Variants in RPE65 observed in about 807,000 individuals in gnomAD.
RPE65 encodes retinoid isomerohydrolase RPE65, also known as retinoid isomerohydrolase.
Under a neutral mutation model 68.5 loss-of-function variants are expected in RPE65, and 58 were observed. The observed-to-expected ratio is 0.85, with a 90% CI of 0.69 to 1.05. The LOEUF is 1.05. RPE65 is among the 50% of genes least tolerant of loss of function. The pLI is 0.00. For missense variants in RPE65, 643 were observed against 629.9 expected, an observed-to-expected ratio of 1.02 and a Z score of -0.22; for synonymous variants, 220 against 222.2, an observed-to-expected ratio of 0.99 and a Z score of 0.09.
chr1:68,429,750 C>T lies in RPE65; in HGVS notation c.*26G>A, dbSNP rs757673747. ...AAGCTGATTTTCTCAGTTTTGCTAC[C>T]AAAAACATATCTTGCTGGAGTATGC... On this transcript the variant is annotated 3_prime_UTR_variant, in exon 14 of 14. Coordinates refer to ENST00000262340, the MANE Select transcript of RPE65 (RefSeq NM_000329.3). The T allele has an allele frequency of 6.2e-7, 1 of 1,613,092 alleles. No individual in the cohort carries two copies. The highest frequency in any genetic ancestry group is 2.2e-5 in the East Asian group (1 of 44,848).
rs747322353 is a variant in RPE65, at chr1:68,439,649, T to G, written c.644-7A>C. ...CTTATTGGATCTTCCTTGTCTGAAA[T>G]AAAGTGGTTTTAAAAGGCTTTGGAA... On this transcript the variant is annotated splice_region_variant and splice_polypyrimidine_tract_variant and intron_variant, in intron 6 of 13. Coordinates refer to ENST00000262340, the MANE Select transcript of RPE65 (RefSeq NM_000329.3). 1.6e-5 allele frequency: 26 copies of G among 1,613,418 alleles called. No homozygotes were observed. Among genetic ancestry groups the G allele is most frequent in the Non-Finnish European group, 2.2e-5 (26 of 1,179,428 alleles).
intron 10 of RPE65, among the ~76,000 whole-genome samples, chr1:68,435,682 T>A (rs1267211144): frequency 6.6e-6 from 1 of 152,238 alleles, no homozygotes; most frequent in Non-Finnish European, 1.5e-5. Context: ...TCTTCAGTTG[T>A]TCTGCCTCAA....
At chr1:68,439,161 A>G in intron 8 of RPE65, 30 bp downstream of exon 8, 2 of 1,614,096 alleles carry the variant, frequency 1.2e-6, no homozygotes, top group Non-Finnish European at 1.7e-6. Flanking sequence ...CTTCAGAATC[A>G]CAAACTTGAC....
chr1:68,431,349 T>G lies in RPE65; in HGVS notation c.1271A>C (p.Gln424Pro), dbSNP rs758321182. The G allele has an allele frequency of 9.0e-5, 145 of 1,614,014 alleles. 2 individuals carry two copies. The South Asian group carries it at 1.5e-3, about 16-fold the overall frequency. ...TGTGTAAGGTTTCCCACAATACTTC[T>G]GGTAATTGATTTGAGGAAACTCAAA... ...QAFEFPQINY[Q>P]KYCGKPYTYA... Residue 424 changes from glutamine to proline, a missense_variant, in exon 12 of 14, where the codon CAG (glutamine) becomes CCG (proline). By Grantham distance (76) the Gln-to-Pro change is moderately conservative. Transcript: ENST00000262340.
chr1:68,446,895 T>C, intron 2 of RPE65, 35 bp from the exon 3 acceptor site: 1 of 1,612,466 alleles, frequency 6.2e-7, no homozygotes, highest in Non-Finnish European at 8.5e-7. Flanking sequence ...TTGCTTCTTA[T>C]CCCTGCCTTG....
rs1645806785 is a variant in RPE65, at chr1:68,429,763, T to C, written c.*13A>G. The C allele has an allele frequency of 6.2e-7, 1 of 1,613,396 alleles. No homozygotes were observed. Among genetic ancestry groups the C allele is most frequent in the East Asian group, 2.2e-5 (1 of 44,854 alleles). ...CAGTTTTGCTACCAAAAACATATCTTGCTGGAGTATGCTCAAGATTTTTTG... is the reference window on the plus strand; with the variant it reads ...CAGTTTTGCTACCAAAAACATATCTCGCTGGAGTATGCTCAAGATTTTTTG... On this transcript the variant is annotated 3_prime_UTR_variant, in exon 14 of 14. Coordinates refer to ENST00000262340, the MANE Select transcript of RPE65 (RefSeq NM_000329.3).
Position 68,446,836 on chromosome 1 carries a change from C to T in RPE65, c.119G>A (p.Gly40Asp). Residue 40 changes from glycine to aspartate, a missense_variant, in exon 3 of 14, where the codon GGC (glycine) becomes GAC (aspartate). Gly to Asp is a moderately conservative substitution (Grantham distance 94). Coordinates refer to ENST00000262340, the MANE Select transcript of RPE65 (RefSeq NM_000329.3). ...TCCTGGCCCACATCGAAGGAGACTG[C>T]CGGTGAGCCAGAGGGGGATCCTGCC... ...VTGRIPLWLT[G>D]SLLRCGPGLF... 6.2e-7 allele frequency: 1 copy of T among 1,613,748 alleles called. No individual in the cohort carries two copies. Among genetic ancestry groups the T allele is most frequent in the Non-Finnish European group, 8.5e-7 (1 of 1,180,032 alleles).
At chr1:68,432,056 G>T (rs1571159325) in intron 10 of RPE65, among the ~76,000 whole-genome samples, 2 of 144,944 alleles carry the variant, frequency 1.4e-5, no homozygotes, top group South Asian at 2.3e-4. Context: ...TTACAGTTAT[G>T]TTGACAAAAA....
Position 68,431,133 on chromosome 1 carries a change from T to G in RPE65, c.1382A>C (p.Gln461Pro). ...NVKTKETWVW[Q>P]EPDSYPSEPI... ...TTCTGATGGGTATGAATCAGGCTCT[T>G]GCCAAACCCAAGTTTCTTTAGTTTT... The change falls in exon 13 of 14, where the codon CAA (glutamine) becomes CCA (proline). Residue 461 changes from glutamine to proline, a missense_variant. Gln to Pro is a moderately conservative substitution (Grantham distance 76). Transcript: ENST00000262340. The G allele has an allele frequency of 1.2e-6, 2 of 1,613,874 alleles. No homozygotes were observed. Among genetic ancestry groups the G allele is most frequent in the African/African-American group, 1.3e-5 (1 of 75,036 alleles).
At chr1:68,438,410 T>A (rs1246704391) in intron 9 of RPE65, 94 bp from the exon 10 acceptor site, 1 of 1,438,244 alleles carries the variant, frequency 7.0e-7, no homozygotes, top group Non-Finnish European at 9.5e-7. Flanking sequence ...GCCTGCCTGT[T>A]CTTTATTCCA....
chr1:68,440,818 CT>C, intron 6 of RPE65, 34 bp downstream of exon 6: 1 of 1,611,948 alleles, frequency 6.2e-7, no homozygotes, highest in East Asian at 2.2e-5. Context: ...AATATAGACA[CT>C]TATTTTCAGA....
At position 68,438,998 on chromosome 1, in the gene RPE65, G is replaced by A. The variant is rs752875512; in HGVS notation, c.942C>T (p.His314=). Residue 314 remains histidine (H), a synonymous_variant, in exon 9 of 14, where the codon CAC becomes CAT. Coordinates refer to ENST00000262340, the MANE Select transcript of RPE65 (RefSeq NM_000329.3). The part of the protein sequence containing the change: ...YRTSPFNLFH[H]INTYEDNGFL... ...ACCCATTGTCTTCATAGGTGTTGATGTGATGGAAGAGGTTGAAAGGAGAAG... is the reference window on the plus strand; with the variant it reads ...ACCCATTGTCTTCATAGGTGTTGATATGATGGAAGAGGTTGAAAGGAGAAG... The A allele has an allele frequency of 2.3e-5, 37 of 1,613,992 alleles. No homozygotes were observed. The highest frequency in any genetic ancestry group is 6.7e-5 in the Admixed American group (4 of 60,002).
At chr1:68,443,540 TC>T (rs1403041738) in intron 5 of RPE65, among the ~76,000 whole-genome samples, 1 of 152,200 alleles carries the variant, frequency 6.6e-6, no homozygotes, top group African/African-American at 2.4e-5. Flanking sequence ...ATATCCTTTC[TC>T]TAAATTCACT....
Position 68,431,264 on chromosome 1 carries a change from G to A in RPE65, c.1338+18C>T. On this transcript the variant is annotated intron_variant, in intron 12 of 13. Coordinates refer to ENST00000262340, the MANE Select transcript of RPE65 (RefSeq NM_000329.3). ...TACTCAAAGCACTGTTCAAATATTA[G>A]TAAGAAGGATTAATTACCCTATCTG... 1 of 1,611,980 alleles carries A rather than the reference G, an allele frequency of 6.2e-7. No homozygotes were observed. Among genetic ancestry groups the A allele is most frequent in the Non-Finnish European group, 8.5e-7 (1 of 1,178,240 alleles).
intron 10 of RPE65, among the ~76,000 whole-genome samples, chr1:68,436,891 A>T (rs992761132): frequency 6.6e-6 from 1 of 152,170 alleles, no homozygotes; most frequent in Admixed American, 6.5e-5. Flanking sequence ...ACATGTAATT[A>T]GATACCAACT....
At chr1:68,431,700 G>T in intron 10 of RPE65, 115 bp from the exon 11 acceptor site, 1 of 832,002 alleles carries the variant, frequency 1.2e-6, no homozygotes, top group East Asian at 2.6e-5. Flanking sequence ...ATGCAGGGAG[G>T]AACTGCAGGA....
At chr1:68,446,174 A>G (rs1645941603) in intron 3 of RPE65, among the ~76,000 whole-genome samples, 1 of 152,046 alleles carries the variant, frequency 6.6e-6, no homozygotes, top group Non-Finnish European at 1.5e-5. Context: ...TGGTAGCACT[A>G]TGACATGTTT....
At chr1:68,445,099 C>T (rs1645932968) in intron 3 of RPE65, among the ~76,000 whole-genome samples, 1 of 152,162 alleles carries the variant, frequency 6.6e-6, no homozygotes, top group African/African-American at 2.4e-5. Flanking sequence ...TTAAACCTCA[C>T]AGATGAGGAA....
At chr1:68,435,301 T>C (rs1338697900) in intron 10 of RPE65, among the ~76,000 whole-genome samples, 1 of 152,202 alleles carries the variant, frequency 6.6e-6, no homozygotes, top group Non-Finnish European at 1.5e-5. Flanking sequence ...ATTCTCTGGC[T>C]CTCAAATTCT....
Sources: gnomAD v4.1 joint callset for allele counts (sites outside exome capture counted in the v4.1 genomes callset) on GRCh38, gnomAD v4.1.1 for gene constraint, MANE v1.5 for transcripts, NCBI Gene and HGNC (gene_info 2026-07-23, HGNC 2026-07-21) for gene names.